The following EPS15L1 variants were observed in gnomAD, a reference collection of about 807,000 sequenced individuals.
EPS15L1 encodes the protein epidermal growth factor receptor pathway substrate 15 like 1, also known as epidermal growth factor receptor substrate 15-like 1.
In EPS15L1, 43 loss-of-function variants were observed where a neutral mutation model predicts 117.1. That is an observed-to-expected ratio of 0.37 (90% confidence interval 0.29 to 0.47). The LOEUF (loss-of-function observed/expected upper bound fraction) is 0.47. Among genes scored for constraint, EPS15L1 ranks in the 20% least tolerant of loss-of-function variants. The pLI is 0.99. For missense variants in EPS15L1, 981 were observed against 1,164.0 expected (o/e 0.84, Z 2.29); for synonymous variants, 459 against 470.5 (o/e 0.98, Z 0.32).
In EPS15L1 at chr19:16,431,013, C is replaced by T. The variant is rs146955602; in HGVS notation, c.499-2252G>A. The stretch of plus-strand genomic sequence containing the variant: ...CAGCACTTTGGGAGTCCAAGGCAGG[C>T]GGATCACCTGAGGCCAGGAGTTCGA... On this transcript the variant is annotated intron_variant, in intron 7 of 23. Coordinates refer to ENST00000455140, the MANE Select transcript of EPS15L1 (RefSeq NM_001258374.3). 3.9e-3 allele frequency among the ~76,000 whole-genome samples: 586 copies of T among 152,154 alleles called. 6 individuals are homozygous for T. The highest frequency in any genetic ancestry group is 0.013 in the African/African-American group (559 of 41,546).
intron 4 of EPS15L1, among the ~76,000 whole-genome samples, chr19:16,438,120 A>G (rs188273387): frequency 6.6e-6 from 1 of 152,280 alleles, no homozygotes; most frequent in African/African-American, 2.4e-5. Flanking sequence ...TGGGAGACCG[A>G]GGCAGGTGGA....
chr19:16,381,340 G>A lies in EPS15L1; in HGVS notation c.2247+3789C>T, dbSNP rs1256818461. Among the ~76,000 whole-genome samples the A allele has an allele frequency of 6.6e-6, 1 of 152,242 alleles. No individual in the cohort carries two copies. Among genetic ancestry groups the A allele is most frequent in the Non-Finnish European group, 1.5e-5 (1 of 68,032 alleles). On this transcript the variant is annotated intron_variant, in intron 21 of 23. Coordinates refer to ENST00000455140, the MANE Select transcript of EPS15L1 (RefSeq NM_001258374.3). The surrounding 1 kb of genome is among the most constrained non-coding windows in gnomAD (Gnocchi z 4.2). ...TGCCACATCGTCTGCCTCCCAGGCTGGGGCCACCAGACGCTGCCCTCAGCT... is the reference window on the plus strand; with the variant it reads ...TGCCACATCGTCTGCCTCCCAGGCTAGGGCCACCAGACGCTGCCCTCAGCT...
chr19:16,421,282 C>A, intron 10 of EPS15L1, 37 bp downstream of exon 10: 1 of 1,577,008 alleles, frequency 6.3e-7, no homozygotes, highest in Admixed American at 1.7e-5. Context: ...CCCCCTGGAG[C>A]CACCCACAGC....
At chr19:16,448,551 G>A (rs888348255) in intron 1 of EPS15L1, among the ~76,000 whole-genome samples, 2 of 148,790 alleles carry the variant, frequency 1.3e-5, no homozygotes, top group Non-Finnish European at 3.0e-5. Context: ...AAAAAAAGGG[G>A]GGGGGAGAAA....
intron 16 of EPS15L1, among the ~76,000 whole-genome samples, chr19:16,397,338 C>A (rs910320164): frequency 6.6e-6 from 1 of 152,194 alleles, no homozygotes; most frequent in Non-Finnish European, 1.5e-5. Context: ...AATCCACCCC[C>A]CTCGGCCTCC....
At chr19:16,461,743 G>A (rs919397512) in intron 1 of EPS15L1, among the ~76,000 whole-genome samples, 3 of 152,226 alleles carry the variant, frequency 2.0e-5, no homozygotes, top group African/African-American at 7.2e-5. Context: ...TCTGATGAGC[G>A]GAGGTGAGGA....
chr19:16,412,717 G>T lies in EPS15L1; in HGVS notation c.1266+1056C>A, dbSNP rs1461148365. 1.8e-3 allele frequency: 157 copies of T among 87,072 alleles called. 3 individuals are homozygous for T. Among genetic ancestry groups the T allele is most frequent in the African/African-American group, 0.011 (137 of 12,084 alleles). 5.4% of individuals were successfully genotyped at this position (87,072 alleles called of 1,614,324 possible). On this transcript the variant is annotated intron_variant, in intron 13 of 23. Transcript: ENST00000455140. ...TGACACCGGTGCAGCGGGGGGTGGG[G>T]GGGGGGGGGGTGTCAGAGGCCCTGG...
At chr19:16,367,805 T>C (rs1250694118) in intron 22 of EPS15L1, among the ~76,000 whole-genome samples, 2 of 106,856 alleles carry the variant, frequency 1.9e-5, no homozygotes, top group Admixed American at 1.7e-4. Context: ...AAAAATTGAA[T>C]AGAAATATAC....
At chr19:16,362,815 T>C (rs1376416764) in intron 22 of EPS15L1, among the ~76,000 whole-genome samples, 3 of 152,142 alleles carry the variant, frequency 2.0e-5, no homozygotes, top group Non-Finnish European at 2.9e-5. Flanking sequence ...TGGCCTTAAG[T>C]TCTTTTTTAG....
Position 16,361,838 on chromosome 19 carries a change from G to A in EPS15L1, c.2527C>T (p.Pro843Ser), listed in dbSNP as rs2092057203. 1.9e-6 allele frequency: 3 copies of A among 1,613,924 alleles called. No homozygotes were observed. Among genetic ancestry groups the A allele is most frequent in the African/African-American group, 1.3e-5 (1 of 74,882 alleles). Residue 843 changes from proline to serine, a missense_variant, in exon 23 of 24, where the codon CCC becomes TCC. Physicochemically the swap from Pro to Ser is moderately conservative, Grantham distance 74. Transcript: ENST00000455140. ...TTAGAAGGTTTAGCTGCAGAGGAGG[G>A]GACAAATGGGTCTTTTCCACTAAAC... ...DPFSGKDPFVPSSAAKPSKAS... is the reference protein window; with the variant it reads ...DPFSGKDPFVSSSAAKPSKAS...
At chr19:16,361,060 G>C (rs8113386) in intron 23 of EPS15L1, among the ~76,000 whole-genome samples, 83,199 of 151,966 alleles carry the variant, frequency 0.55, 25,249 homozygotes, top group South Asian at 0.71. Context: ...TTGAAGCGAC[G>C]GCATGTTACA....
chr19:16,461,340 G>C (rs1006393058), intron 1 of EPS15L1, among the ~76,000 whole-genome samples: 4 of 150,556 alleles, frequency 2.7e-5, no homozygotes, highest in African/African-American at 9.8e-5. Flanking sequence ...AGAAAAGCCA[G>C]CTGGGCATAG....
chr19:16,389,185 G>A (rs1172175476), intron 19 of EPS15L1, among the ~76,000 whole-genome samples: 5 of 151,846 alleles, frequency 3.3e-5, no homozygotes, highest in African/African-American at 1.2e-4. Flanking sequence ...TGGGTGAAGT[G>A]ACTCAAGCCT....
chr19:16,437,832 C>T lies in EPS15L1; in HGVS notation c.247G>A (p.Ala83Thr), dbSNP rs2145052697. 6.2e-7 allele frequency: 1 copy of T among 1,614,102 alleles called. No individual in the cohort carries two copies. The highest frequency in any genetic ancestry group is 2.2e-5 in the East Asian group (1 of 44,882). ...FYVALRLVACAQSGHEVTLSN... is the reference protein window; with the variant it reads ...FYVALRLVACTQSGHEVTLSN... ...AAGGTAACTTCATGGCCACTCTGTG[C>T]ACAGGCCACCAGTCTCAGTGCAACA... is the stretch of plus-strand genomic sequence containing the variant. The change falls in exon 5 of 24, where the codon GCA (alanine) becomes ACA (threonine). Residue 83 changes from alanine to threonine, a missense_variant. Around this residue, in one of 5 missense-constraint regions of EPS15L1, gnomAD observed 62 missense variants for 104.2 expected, o/e 0.59. Coordinates refer to ENST00000455140, the MANE Select transcript of EPS15L1 (RefSeq NM_001258374.3).
intron 9 of EPS15L1, among the ~76,000 whole-genome samples, chr19:16,423,250 C>G (rs1325869334): frequency 1.3e-5 from 2 of 152,112 alleles, no homozygotes; most frequent in Non-Finnish European, 1.5e-5. Context: ...ACAGCAAGGA[C>G]TTGATCAAAC....
chr19:16,359,103 C>A (rs1434522792), intron 23 of EPS15L1, among the ~76,000 whole-genome samples: 1 of 152,136 alleles, frequency 6.6e-6, no homozygotes, highest in Non-Finnish European at 1.5e-5. Flanking sequence ...TGACCTGGGC[C>A]CCCCTGACTG....
intron 22 of EPS15L1, among the ~76,000 whole-genome samples, chr19:16,376,342 G>GT (rs1211397511): frequency 2.0e-5 from 3 of 152,220 alleles, no homozygotes; most frequent in South Asian, 2.1e-4. Flanking sequence ...ATAGCTTTCT[G>GT]TTTGAGAGTC....
At chr19:16,464,396 C>A (rs1362190262) in intron 1 of EPS15L1, among the ~76,000 whole-genome samples, 1 of 152,192 alleles carries the variant, frequency 6.6e-6, no homozygotes, top group African/African-American at 2.4e-5. Flanking sequence ...CAGGTCTCAG[C>A]TCCTCAGCCC....
intron 21 of EPS15L1, among the ~76,000 whole-genome samples, chr19:16,382,161 A>G (rs765772304): frequency 6.6e-6 from 1 of 152,190 alleles, no homozygotes; most frequent in Non-Finnish European, 1.5e-5. Flanking sequence ...TAAACCCACG[A>G]GGCCAATTGG....
Sources: gnomAD v4.1 joint callset for allele counts (sites outside exome capture counted in the v4.1 genomes callset) on GRCh38, gnomAD v4.1.1 for gene constraint, gnomAD v4.1.1 regional missense constraint, Gnocchi (gnomAD v3.1) non-coding constraint, MANE v1.5 for transcripts, NCBI Gene and HGNC (gene_info 2026-07-23, HGNC 2026-07-21) for gene names.